The following SSX2IP variants were observed in gnomAD, a reference collection of about 807,000 sequenced individuals.
The protein encoded by SSX2IP is afadin- and alpha-actinin-binding protein.
A neutral mutation model predicts 84.9 loss-of-function variants in SSX2IP; 55 were observed. The observed-to-expected ratio is 0.65, with a 90% CI of 0.52 to 0.81. The LOEUF (loss-of-function observed/expected upper bound fraction) is 0.81, where lower values mean the gene tolerates loss of function less well. Among genes scored for constraint, SSX2IP ranks in the 30% least tolerant of loss-of-function variants. SSX2IP has a pLI of 0.00. For missense variants in SSX2IP, 664 were observed against 705.2 expected (o/e 0.94, Z 0.66); for synonymous variants, 239 against 234.7 (o/e 1.02, Z -0.17).
rs989562499 is a variant in SSX2IP, at chr1:84,645,502, A to G, written c.*1931T>C. Reference sequence around the variant, plus strand: ...AACTCACTTTAAAATGGAAACACGCAACAAAAAACAGATGCTGCTTTCTAG... The same window carrying G: ...AACTCACTTTAAAATGGAAACACGCGACAAAAAACAGATGCTGCTTTCTAG... On this transcript the variant is annotated 3_prime_UTR_variant, in exon 14 of 14. Transcript: ENST00000342203. 5.9e-5 allele frequency: 9 copies of G among 152,232 alleles called. No homozygotes were observed. The highest frequency in any genetic ancestry group is 4.4e-5 in the Non-Finnish European group (3 of 68,038). The allele number at this position is 152,232 out of a possible 1,614,324, so 9.4% of individuals were successfully genotyped here.
chr1:84,688,542 C>CTA (rs113069396), intron 1 of SSX2IP, among the ~76,000 whole-genome samples: 48 of 152,306 alleles, frequency 3.2e-4, no homozygotes, highest in African/African-American at 1.2e-3. Flanking sequence ...ACTCAAACGC[C>CTA]TACTTTATAA....
chr1:84,671,318 C>A lies in SSX2IP; in HGVS notation c.-89-10G>T, dbSNP rs1250903951. ...TCTATGTAGGCATCTCCTTAAAAAG[C>A]AGATTATAGAATAATAGCATCTAAT... On this transcript the variant is annotated splice_polypyrimidine_tract_variant and intron_variant, in intron 1 of 13. Coordinates refer to ENST00000342203, the MANE Select transcript of SSX2IP (RefSeq NM_001166293.2). The A allele has an allele frequency of 1.2e-5, 18 of 1,537,168 alleles. No individual in the cohort carries two copies. The East Asian group carries it at 4.0e-4, about 34-fold the overall frequency.
At chr1:84,675,651 CAA>C (rs1557517134) in intron 1 of SSX2IP, among the ~76,000 whole-genome samples, 1 of 152,194 alleles carries the variant, frequency 6.6e-6, no homozygotes, top group African/African-American at 2.4e-5. Context: ...GGACAGAACT[CAA>C]AGTTATCCCT....
In SSX2IP at chr1:84,646,567, C is replaced by G. The variant is rs1314372827; in HGVS notation, c.*866G>C. The G allele has an allele frequency of 6.6e-6, 1 of 152,560 alleles. No homozygotes were observed. The highest frequency in any genetic ancestry group is 2.4e-5 in the African/African-American group (1 of 41,440). The allele number at this position is 152,560 out of a possible 1,614,324, so 9.5% of individuals were successfully genotyped here. ...TTAAATATCTTCTATCATCCAATAT[C>G]TTAAACCAATTTCTTAAATTGTTTT... is the stretch of plus-strand genomic sequence containing the variant. On this transcript the variant is annotated 3_prime_UTR_variant, in exon 14 of 14. Transcript: ENST00000342203.
intron 13 of SSX2IP, chr1:84,649,797 T>C (rs547362707): frequency 1.2e-4 from 45 of 370,804 alleles, no homozygotes; most frequent in African/African-American, 9.3e-4. Flanking sequence ...GAAAATGATA[T>C]AATAACTTGA....
intron 1 of SSX2IP, among the ~76,000 whole-genome samples, chr1:84,689,458 C>T (rs1656272011): frequency 6.6e-6 from 1 of 152,226 alleles, no homozygotes; most frequent in Non-Finnish European, 1.5e-5. Flanking sequence ...CACCCTTACA[C>T]TTCTAAATCA....
At chr1:84,655,459 A>T (rs1229576327) in intron 11 of SSX2IP, 2 of 1,295,612 alleles carry the variant, frequency 1.5e-6, no homozygotes, top group South Asian at 2.5e-5. Context: ...TTTTTATTAT[A>T]CTTCCTTTTT....
At chr1:84,649,145 G>A (rs987649915) in intron 13 of SSX2IP, among the ~76,000 whole-genome samples, 3 of 152,194 alleles carry the variant, frequency 2.0e-5, no homozygotes, top group African/African-American at 7.2e-5. Flanking sequence ...TGGGGCTGGG[G>A]TGGAGAGAGC....
At chr1:84,662,118 C>T (rs2102329166) in intron 8 of SSX2IP, 80 bp downstream of exon 8, 1 of 890,516 alleles carries the variant, frequency 1.1e-6, no homozygotes, top group Middle Eastern at 3.6e-4. Context: ...ATAGTGTCCC[C>T]ATTGAGAATG....
In SSX2IP at chr1:84,655,490, G is replaced by A. The variant is rs1279593065; in HGVS notation, c.1389+342C>T. The A allele has an allele frequency of 2.3e-6, 3 of 1,315,850 alleles. No individual in the cohort carries two copies. In the East Asian group the frequency reaches 1.5e-4, roughly 66 times the overall value. 81.5% of individuals were successfully genotyped at this position (1,315,850 alleles called of 1,614,324 possible). Reference sequence around the variant, plus strand: ...TTTTTAAACAGCAAATATAGTCTTGGTTGCACTGTCTTCTGACACCACACC... The same window carrying A: ...TTTTTAAACAGCAAATATAGTCTTGATTGCACTGTCTTCTGACACCACACC... On this transcript the variant is annotated intron_variant, in intron 11 of 13. Coordinates refer to ENST00000342203, the MANE Select transcript of SSX2IP (RefSeq NM_001166293.2).
At chr1:84,656,088 T>G in intron 10 of SSX2IP, 83 bp from the exon 11 acceptor site, 1 of 1,276,250 alleles carries the variant, frequency 7.8e-7, no homozygotes, top group South Asian at 1.4e-5. Flanking sequence ...GGAAGGCCAG[T>G]CAAACTTCAG....
chr1:84,664,552 C>T lies in SSX2IP; in HGVS notation c.538G>A (p.Val180Met). The T allele has an allele frequency of 6.4e-7, 1 of 1,565,618 alleles. No homozygotes were observed. Reference sequence around the variant, plus strand: ...GCAATGATATTTTGTAATTTTTGCACCTGAAAAAGGCATTTGCTATTATAA... The same window carrying T: ...GCAATGATATTTTGTAATTTTTGCATCTGAAAAAGGCATTTGCTATTATAA... ...HQLLKNEKDEVQKLQNIIASR... is the reference protein window; with the variant it reads ...HQLLKNEKDEMQKLQNIIASR... Residue 180 changes from valine (V) to methionine (M), a missense_variant and splice_region_variant, in exon 6 of 14, where the codon GTG (valine) becomes ATG (methionine). Transcript: ENST00000342203.
intron 4 of SSX2IP, among the ~76,000 whole-genome samples, chr1:84,668,413 C>T (rs978604811): frequency 3.3e-5 from 5 of 152,126 alleles, no homozygotes; most frequent in African/African-American, 1.2e-4. Flanking sequence ...CCACAGTTCC[C>T]CAGTCAGCCA....
At chr1:84,659,353 C>A (rs963694255) in intron 8 of SSX2IP, among the ~76,000 whole-genome samples, 1 of 152,090 alleles carries the variant, frequency 6.6e-6, no homozygotes, top group African/African-American at 2.4e-5. Flanking sequence ...GTCTCTGAGG[C>A]GGAGCAGACA....
intron 4 of SSX2IP, among the ~76,000 whole-genome samples, chr1:84,668,959 T>C (rs1653135992): frequency 6.6e-6 from 1 of 152,144 alleles, no homozygotes. Flanking sequence ...TTGACTTGGA[T>C]TGATTTATAT....
intron 8 of SSX2IP, among the ~76,000 whole-genome samples, chr1:84,659,841 C>T (rs574197300): frequency 6.4e-4 from 97 of 151,244 alleles, no homozygotes; most frequent in Middle Eastern, 6.8e-3. Flanking sequence ...TTGCACATTT[C>T]TCAGATTGAA....
At chr1:84,679,076 A>G (rs1168933501) in intron 1 of SSX2IP, among the ~76,000 whole-genome samples, 1 of 152,236 alleles carries the variant, frequency 6.6e-6, no homozygotes, top group African/African-American at 2.4e-5. Context: ...AGATAAAACT[A>G]AGTGTTGGGT....
rs190900990 is a variant in SSX2IP, at chr1:84,655,357, G to C, written c.1389+475C>G. The C allele has an allele frequency of 1.0e-5, 11 of 1,100,938 alleles. No individual in the cohort carries two copies. The East Asian group carries it at 5.1e-4, about 51-fold the overall frequency. The allele number at this position is 1,100,938 out of a possible 1,614,324, so 68.2% of individuals were successfully genotyped here. A position where few individuals can be genotyped will look rare whatever the true frequency, so the allele number is the denominator to read the frequency against. On this transcript the variant is annotated intron_variant, in intron 11 of 13. Transcript: ENST00000342203. ...GACATTACTGCTACAATTTTTGAAG[G>C]GGGAATATGTAGATGACACATTGCT...
intron 8 of SSX2IP, among the ~76,000 whole-genome samples, chr1:84,661,588 T>C (rs1414074391): frequency 6.6e-6 from 1 of 152,196 alleles, no homozygotes; most frequent in Non-Finnish European, 1.5e-5. Context: ...AAAGAGCTTC[T>C]TGAGGGAAAA....
Sources: allele counts gnomAD v4.1 joint callset (sites outside exome capture counted in the v4.1 genomes callset), GRCh38; gene constraint gnomAD v4.1.1; transcripts MANE v1.5; gene names NCBI Gene and HGNC (gene_info 2026-07-23, HGNC 2026-07-21).